The following IPCEF1 variants were observed in gnomAD, a reference collection of about 807,000 sequenced individuals.
IPCEF1 encodes the protein interaction protein for cytohesin exchange factors 1.
A neutral mutation model predicts 50.9 loss-of-function variants in IPCEF1; 31 were observed. The ratio of observed to expected loss-of-function variants is 0.61; its 90% CI spans 0.46 to 0.82. IPCEF1 has a LOEUF of 0.82. IPCEF1 is among the 40% of genes least tolerant of loss of function. The pLI, the probability that IPCEF1 is intolerant of heterozygous loss-of-function variation, is 0.00. For missense variants in IPCEF1, 458 were observed against 514.0 expected, an observed-to-expected ratio of 0.89 and a Z score of 1.05; for synonymous variants, 181 against 192.0, an observed-to-expected ratio of 0.94 and a Z score of 0.47.
At chr6:154,221,199 A>G in intron 7 of IPCEF1, 58 bp downstream of exon 7, 1 of 1,206,606 alleles carries the variant, frequency 8.3e-7, no homozygotes, top group Non-Finnish European at 1.2e-6. Context: ...TTCCAGTACC[A>G]GGCTAAAGTT....
At chr6:154,222,048 T>C (rs2128617467) in intron 6 of IPCEF1, among the ~76,000 whole-genome samples, 1 of 152,298 alleles carries the variant, frequency 6.6e-6, no homozygotes, top group African/African-American at 2.4e-5. Context: ...TTCAATCAAA[T>C]ATACAGAAGA....
chr6:154,249,815 C>T (rs1162739786), intron 3 of IPCEF1, among the ~76,000 whole-genome samples: 1 of 151,570 alleles, frequency 6.6e-6, no homozygotes, highest in African/African-American at 2.4e-5. Flanking sequence ...TCAATTCTGC[C>T]CAAGACCAAC....
At chr6:154,160,761 G>A (rs948506666) in intron 11 of IPCEF1, among the ~76,000 whole-genome samples, 1 of 152,070 alleles carries the variant, frequency 6.6e-6, no homozygotes, top group African/African-American at 2.4e-5. Context: ...CAAATATTCA[G>A]CCCTGACAAT....
At chr6:154,354,576 C>T (rs1784183192) in intron 1 of IPCEF1, among the ~76,000 whole-genome samples, 1 of 151,388 alleles carries the variant, frequency 6.6e-6, no homozygotes, top group Non-Finnish European at 1.5e-5. Context: ...CCACAACCAC[C>T]TCTACCATCT....
chr6:154,336,799 G>A (rs566652765), intron 1 of IPCEF1, among the ~76,000 whole-genome samples: 33 of 152,136 alleles, frequency 2.2e-4, no homozygotes, highest in African/African-American at 6.7e-4. Flanking sequence ...TTGAGACAAG[G>A]TCCCACTGTG....
intron 1 of IPCEF1, among the ~76,000 whole-genome samples, chr6:154,321,067 A>T (rs553008008): frequency 2.0e-5 from 3 of 151,978 alleles, no homozygotes; most frequent in South Asian, 4.2e-4. Flanking sequence ...ACTAGCTGGG[A>T]TTATAGGCGC....
chr6:154,213,225 T>A, intron 8 of IPCEF1: 1 of 237,848 alleles, frequency 4.2e-6, no homozygotes, highest in Non-Finnish European at 8.5e-6. Context: ...ATCACTAAAC[T>A]ATCAGTGGTG....
chr6:154,355,127 T>C (rs995441831), intron 1 of IPCEF1, among the ~76,000 whole-genome samples: 1 of 152,054 alleles, frequency 6.6e-6, no homozygotes, highest in Non-Finnish European at 1.5e-5. Context: ...CCAAGCTGGA[T>C]GGAAAGCAGA....
chr6:154,306,287 A>C (rs1782930283), intron 1 of IPCEF1, among the ~76,000 whole-genome samples: 1 of 152,212 alleles, frequency 6.6e-6, no homozygotes, highest in Admixed American at 6.5e-5. Context: ...ATTCTTTAAA[A>C]ATATAAACTT....
chr6:154,159,564 C>T lies in IPCEF1; in HGVS notation c.*264G>A, dbSNP rs939746150. On this transcript the variant is annotated 3_prime_UTR_variant, in exon 12 of 12. Coordinates refer to ENST00000367220, the MANE Select transcript of IPCEF1 (RefSeq NM_001130700.2). ...TTCTCACATCCCCCCTAGAGCCCCACATCACCGTGAGCTCCCAGTAGGAAC... is the reference window on the plus strand; with the variant it reads ...TTCTCACATCCCCCCTAGAGCCCCATATCACCGTGAGCTCCCAGTAGGAAC... The T allele has an allele frequency of 8.4e-6, 4 of 475,358 alleles. No individual in the cohort carries two copies. The highest frequency in any genetic ancestry group is 4.2e-5 in the Admixed American group (1 of 24,034). 29.4% of individuals were successfully genotyped at this position (475,358 alleles called of 1,614,324 possible).
chr6:154,345,673 C>T (rs773104893), intron 1 of IPCEF1, among the ~76,000 whole-genome samples: 4 of 152,078 alleles, frequency 2.6e-5, no homozygotes, highest in African/African-American at 9.7e-5. Context: ...CAATTCTTCA[C>T]AGTATTTAAT....
intron 7 of IPCEF1, among the ~76,000 whole-genome samples, chr6:154,220,766 G>A (rs150680962): frequency 1.3e-5 from 2 of 152,214 alleles, no homozygotes; most frequent in Admixed American, 6.5e-5. Flanking sequence ...CCTGGAAATG[G>A]AGCTAGGGAT....
rs73567113 is a variant in IPCEF1 at position 154,186,481 on chromosome 6, A to G, written c.910+13187T>C. Among the ~76,000 whole-genome samples, 1,481 of 152,102 alleles carry G rather than the reference A, an allele frequency of 9.7e-3. 24 individuals carry two copies. The highest frequency in any genetic ancestry group is 0.035 in the African/African-American group (1,439 of 41,482). On this transcript the variant is annotated intron_variant, in intron 10 of 11. Transcript: ENST00000367220. ...CTCCACCTGAACACAGGCAGCAGCC[A>G]CCTCGCCGCCTATCCTCCTTTCGCA...
intron 1 of IPCEF1, among the ~76,000 whole-genome samples, chr6:154,340,185 TGAC>T (rs1783879662): frequency 6.6e-6 from 1 of 152,254 alleles, no homozygotes; most frequent in East Asian, 1.9e-4. Flanking sequence ...TAGGAAGTCT[TGAC>T]GACATGTGCC....
At chr6:154,221,511 A>G (rs1778855061) in intron 6 of IPCEF1, among the ~76,000 whole-genome samples, 183 bp from the exon 7 acceptor site, 1 of 152,244 alleles carries the variant, frequency 6.6e-6, no homozygotes, top group South Asian at 2.1e-4. Context: ...GAGAACTAAG[A>G]GTCAATTTTT....
intron 3 of IPCEF1, among the ~76,000 whole-genome samples, chr6:154,260,308 A>C (rs1781564149): frequency 6.6e-6 from 1 of 152,174 alleles, no homozygotes; most frequent in Non-Finnish European, 1.5e-5. Context: ...TATATACGTA[A>C]CTTTTTGTTT....
intron 2 of IPCEF1, 29 bp from the exon 3 acceptor site, chr6:154,265,993 A>G: frequency 7.5e-7 from 1 of 1,340,232 alleles, no homozygotes; most frequent in East Asian, 2.3e-5. Flanking sequence ...TTTCAGTTAA[A>G]TGTGAGATTA....
intron 10 of IPCEF1, among the ~76,000 whole-genome samples, chr6:154,169,654 C>T (rs1404981220): frequency 6.6e-6 from 1 of 152,188 alleles, no homozygotes; most frequent in African/African-American, 2.4e-5. Flanking sequence ...CATCTTGCCA[C>T]ACAGACTCCA....
At chr6:154,200,177 AGATAT>A in intron 9 of IPCEF1, 137 bp from the exon 10 acceptor site, 1 of 757,052 alleles carries the variant, frequency 1.3e-6, no homozygotes, top group Admixed American at 3.0e-5. Flanking sequence ...CAAAAGGTAA[AGATAT>A]GATATTTATT....
Sources: allele counts gnomAD v4.1 joint callset (sites outside exome capture counted in the v4.1 genomes callset), GRCh38; gene constraint gnomAD v4.1.1; transcripts MANE v1.5; gene names NCBI Gene and HGNC (gene_info 2026-07-23, HGNC 2026-07-21).